Variants in KCNIP4 observed in about 807,000 individuals in gnomAD.
The protein encoded by KCNIP4 is potassium voltage-gated channel interacting protein 4, also known as Kv channel-interacting protein 4.
KCNIP4 carries 12 observed loss-of-function variants against 34.0 expected under a neutral mutation model. That is an observed-to-expected ratio of 0.35 (90% confidence interval 0.23 to 0.57). The LOEUF is 0.57. KCNIP4 is among the 20% of genes least tolerant of loss of function. The pLI is 0.83. For missense variants in KCNIP4, 238 were observed against 311.7 expected (o/e 0.76, Z 1.78); for synonymous variants, 124 against 102.2 (o/e 1.21, Z -1.29).
At chr4:21,891,163 A>C (rs1203141560) in intron 1 of KCNIP4, among the ~76,000 whole-genome samples, 1 of 152,092 alleles carries the variant, frequency 6.6e-6, no homozygotes, top group East Asian at 1.9e-4. Flanking sequence ...CTCATAGATA[A>C]GGAATGAATA....
intron 1 of KCNIP4, among the ~76,000 whole-genome samples, chr4:21,347,242 A>G (rs1454724732): frequency 5.3e-5 from 8 of 152,222 alleles, no homozygotes; most frequent in African/African-American, 1.9e-4. Flanking sequence ...TAATAGCTAG[A>G]TAGGGGAAGC....
At chr4:20,848,895 T>C (rs1171810737) in intron 3 of KCNIP4, among the ~76,000 whole-genome samples, 1 of 152,160 alleles carries the variant, frequency 6.6e-6, no homozygotes, top group African/African-American at 2.4e-5. Context: ...TTTTATTCTG[T>C]GATTCACCTC....
At chr4:21,351,908 C>A (rs1018637219) in intron 1 of KCNIP4, among the ~76,000 whole-genome samples, 1 of 152,134 alleles carries the variant, frequency 6.6e-6, no homozygotes, top group African/African-American at 2.4e-5. Context: ...TTTTTGATGG[C>A]AGCTATAGCA....
intron 1 of KCNIP4, among the ~76,000 whole-genome samples, chr4:21,269,630 A>G (rs540983079): frequency 8.7e-4 from 132 of 152,228 alleles, no homozygotes; most frequent in African/African-American, 3.0e-3. Flanking sequence ...CCTGAGCTCA[A>G]GCAATCCTCC....
intron 2 of KCNIP4, among the ~76,000 whole-genome samples, chr4:20,851,298 C>T (rs1053484502): frequency 3.3e-5 from 5 of 152,150 alleles, no homozygotes; most frequent in Non-Finnish European, 5.9e-5. Context: ...GTTTTCTGTT[C>T]CTGCATTAGT....
At chr4:21,812,179 T>C (rs1227755435) in intron 1 of KCNIP4, among the ~76,000 whole-genome samples, 2 of 152,240 alleles carry the variant, frequency 1.3e-5, no homozygotes, top group African/African-American at 4.8e-5. Flanking sequence ...TAGATTATCA[T>C]CATCCTTTAT....
At chr4:20,847,515 T>C (rs111690589) in intron 3 of KCNIP4, among the ~76,000 whole-genome samples, 1 of 151,950 alleles carries the variant, frequency 6.6e-6, no homozygotes, top group African/African-American at 2.4e-5. Context: ...AGGTGGACAG[T>C]GTACTGTATT....
chr4:21,779,882 A>G (rs1719463009), intron 1 of KCNIP4, among the ~76,000 whole-genome samples: 1 of 151,932 alleles, frequency 6.6e-6, no homozygotes, highest in African/African-American at 2.4e-5. Flanking sequence ...AGTGAGCTAT[A>G]ATTGTGCTGC....
chr4:21,788,846 G>A (rs1380876854), intron 1 of KCNIP4, among the ~76,000 whole-genome samples: 1 of 151,970 alleles, frequency 6.6e-6, no homozygotes, highest in Non-Finnish European at 1.5e-5. Flanking sequence ...AGGCTGAGGT[G>A]GGCGGATCAC....
At chr4:21,413,813 G>A (rs1025350921) in intron 1 of KCNIP4, among the ~76,000 whole-genome samples, 18 of 152,300 alleles carry the variant, frequency 1.2e-4, no homozygotes, top group Non-Finnish European at 2.2e-4. Flanking sequence ...TAGAGTTTAC[G>A]TAGTGTCTGA....
rs929275856 is a variant in KCNIP4 at position 21,130,609 on chromosome 4, C to T, written c.62-247900G>A. Among the ~76,000 whole-genome samples, 104 of 152,194 alleles carry T rather than the reference C, an allele frequency of 6.8e-4. 1 individual carries two copies. The highest frequency in any genetic ancestry group is 2.4e-3 in the African/African-American group (99 of 41,508). ...GTGCCTAGAATTGTCCATGTAGGAG[C>T]TATTTAAAAATATGTTAAAAATGAA... is the stretch of plus-strand genomic sequence containing the variant. On this transcript the variant is annotated intron_variant, in intron 1 of 8. Coordinates refer to ENST00000382152, the MANE Select transcript of KCNIP4 (RefSeq NM_025221.6).
intron 1 of KCNIP4, among the ~76,000 whole-genome samples, chr4:21,388,057 A>G (rs557280522): frequency 5.2e-4 from 65 of 124,152 alleles, no homozygotes; most frequent in African/African-American, 1.7e-3. Flanking sequence ...GGACAGCTAG[A>G]GAGGGCTGCT....
chr4:21,122,291 A>C (rs1750229742), intron 1 of KCNIP4, among the ~76,000 whole-genome samples: 1 of 152,016 alleles, frequency 6.6e-6, no homozygotes, highest in Admixed American at 6.6e-5. Flanking sequence ...AGCCTAAAGA[A>C]AGTGGGGCTA....
rs140489071 is a variant in KCNIP4 at position 21,342,113 on chromosome 4, T to C, written c.62-459404A>G. Among the ~76,000 whole-genome samples the C allele has an allele frequency of 3.7e-3, 561 of 152,188 alleles. 4 individuals are homozygous for C. Among genetic ancestry groups the C allele is most frequent in the African/African-American group, 0.013 (527 of 41,532 alleles). ...CTTGGAAGCATGCTTGCAAAGCTCA[T>C]GCTTCCCCCTGCATAAGCTAGCTAA... On this transcript the variant is annotated intron_variant, in intron 1 of 8. Transcript: ENST00000382152.
intron 1 of KCNIP4, among the ~76,000 whole-genome samples, chr4:21,655,234 C>A (rs1442155939): frequency 6.6e-6 from 1 of 151,858 alleles, no homozygotes; most frequent in East Asian, 1.9e-4. Flanking sequence ...TATTTTAAGC[C>A]CTAGAAGTGC....
At chr4:21,554,359 T>C (rs1738815146) in intron 1 of KCNIP4, among the ~76,000 whole-genome samples, 1 of 152,052 alleles carries the variant, frequency 6.6e-6, no homozygotes, top group Non-Finnish European at 1.5e-5. Context: ...TGCATTTTAT[T>C]CTAGGTTTGA....
intron 1 of KCNIP4, among the ~76,000 whole-genome samples, chr4:21,810,015 G>T (rs4438750): frequency 0.98 from 148,767 of 152,126 alleles, 72,832 homozygotes; most frequent in East Asian, 1. Context: ...GGCAGCAACC[G>T]TTTTACAAGC....
intron 1 of KCNIP4, among the ~76,000 whole-genome samples, chr4:21,601,304 T>A (rs1237424048): frequency 6.6e-6 from 1 of 152,030 alleles, no homozygotes; most frequent in Non-Finnish European, 1.5e-5. Context: ...AATTAAAAAG[T>A]GCATTTATAA....
At chr4:21,894,897 T>A (rs545296733) in intron 1 of KCNIP4, among the ~76,000 whole-genome samples, 1 of 152,346 alleles carries the variant, frequency 6.6e-6, no homozygotes, top group African/African-American at 2.4e-5. Flanking sequence ...TTTCTGTTGC[T>A]TCTGGAAGCC....
Sources: gnomAD v4.1 joint callset for allele counts (sites outside exome capture counted in the v4.1 genomes callset) on GRCh38, gnomAD v4.1.1 for gene constraint, MANE v1.5 for transcripts, NCBI Gene and HGNC (gene_info 2026-07-23, HGNC 2026-07-21) for gene names.